Variants in COL4A2 observed in about 807,000 individuals in gnomAD.
The protein encoded by COL4A2 is collagen type IV alpha 2 chain.
Under a neutral mutation model 200.2 loss-of-function variants are expected in COL4A2, and 99 were observed. The ratio of observed to expected loss-of-function variants is 0.49; its 90% CI spans 0.42 to 0.58. COL4A2 has a LOEUF of 0.58. Ranked by LOEUF, COL4A2 falls within the 20% of genes least tolerant of loss-of-function variation. The pLI is 0.00. For synonymous variants in COL4A2, 897 were observed against 900.6 expected, an observed-to-expected ratio of 1.00 and a Z score of 0.07; for missense variants, 1,950 against 2,314.1, an observed-to-expected ratio of 0.84 and a Z score of 3.23.
At chr13:110,487,254 C>G (rs991971214) in intron 34 of COL4A2, among the ~76,000 whole-genome samples, 2 of 152,250 alleles carry the variant, frequency 1.3e-5, no homozygotes, top group African/African-American at 4.8e-5. Context: ...GAGATCGAGA[C>G]TAGCCTGGCC....
chr13:110,510,542 T>C (rs573433187), intron 47 of COL4A2, among the ~76,000 whole-genome samples: 3 of 152,274 alleles, frequency 2.0e-5, no homozygotes, highest in African/African-American at 7.2e-5. Context: ...AGAAGCACAT[T>C]GGAAAGGGTG....
intron 22 of COL4A2, among the ~76,000 whole-genome samples, chr13:110,461,042 A>C (rs1340132177): frequency 1.3e-5 from 2 of 152,346 alleles, no homozygotes; most frequent in Non-Finnish European, 2.9e-5. Flanking sequence ...AAAAGCTAGC[A>C]CAGCTCACGT....
rs1270682164 is a variant in COL4A2, at chr13:110,434,456, G to A, written c.726+14G>A. ...AAGGGTGAAAAGGTAAAGGAAGCCTGGTCAATTCCAGCAGAGGCATGCAGC... is the reference window on the plus strand; with the variant it reads ...AAGGGTGAAAAGGTAAAGGAAGCCTAGTCAATTCCAGCAGAGGCATGCAGC... On this transcript the variant is annotated intron_variant, in intron 12 of 47. Coordinates refer to ENST00000360467, the MANE Select transcript of COL4A2 (RefSeq NM_001846.4). The A allele has an allele frequency of 1.9e-6, 3 of 1,612,920 alleles. No individual in the cohort carries two copies. Among genetic ancestry groups the A allele is most frequent in the Non-Finnish European group, 2.5e-6 (3 of 1,179,184 alleles).
chr13:110,493,073 ACCC>A, intron 38 of COL4A2, 135 bp from the exon 39 acceptor site: 45 of 853,292 alleles, frequency 5.3e-5, no homozygotes, highest in South Asian at 1.3e-4. Flanking sequence ...GATGAGTGAC[ACCC>A]CCATGGGTGA....
chr13:110,360,795 C>A (rs936469521), intron 4 of COL4A2, among the ~76,000 whole-genome samples: 5 of 148,018 alleles, frequency 3.4e-5, no homozygotes, highest in Non-Finnish European at 3.0e-5. Context: ...ACCCGCCCCC[C>A]ACCCCGGGGC....
rs932645606 is a variant in COL4A2, at chr13:110,424,957, C to A, written c.320C>A (p.Ala107Glu). 1 of 1,614,160 alleles carries A rather than the reference C, an allele frequency of 6.2e-7. No individual in the cohort carries two copies. The highest frequency in any genetic ancestry group is 1.3e-5 in the African/African-American group (1 of 75,018). The part of the protein sequence containing the change: ...GVTGPKGDVG[A>E]RGVSGFPGAD... ...TTGCATTTGCTTTCTTCATAGGGAG[C>A]AAGAGGCGTTTCTGGATTCCCTGGT... Residue 107 changes from alanine (A) to glutamate (E), a missense_variant, in exon 6 of 48, where the codon GCA (alanine) becomes GAA (glutamate). Coordinates refer to ENST00000360467, the MANE Select transcript of COL4A2 (RefSeq NM_001846.4).
intron 24 of COL4A2, among the ~76,000 whole-genome samples, chr13:110,463,460 C>A (rs1014482395): frequency 6.6e-6 from 1 of 152,208 alleles, no homozygotes; most frequent in African/African-American, 2.4e-5. Context: ...CGATTGAAGT[C>A]ATAATCCTCT....
intron 4 of COL4A2, among the ~76,000 whole-genome samples, chr13:110,402,061 CT>C (rs767357295): frequency 3.6e-4 from 55 of 152,336 alleles, no homozygotes; most frequent in Middle Eastern, 3.4e-3. Flanking sequence ...CATTTCACCC[CT>C]AACCTCCCAA....
In COL4A2 at chr13:110,508,094, C is replaced by G. The variant is rs557976330; in HGVS notation, c.4754C>G (p.Pro1585Arg). The change falls in exon 47 of 48, where the codon CCC becomes CGC. Residue 1585 changes from proline to arginine, a missense_variant. Around this residue, in one of 2 missense-constraint regions of COL4A2, gnomAD observed 1,385 missense variants for 1,720.5 expected, o/e 0.80. Transcript: ENST00000360467. This position sits in a 1 kb window ranked among gnomAD's most constrained non-coding sequence, Gnocchi z 6.1. ...CCCGTGGCCGAGGACGAGATCAAGC[C>G]CTACATCAGCCGCTGTTCTGTGTGT... ...MMPVAEDEIK[P>R]YISRCSVCEA... 17 of 1,614,252 alleles carry G rather than the reference C, an allele frequency of 1.1e-5. No homozygotes were observed. The African/African-American group carries it at 1.3e-4, about 13-fold the overall frequency.
At chr13:110,383,425 A>C (rs933287257) in intron 4 of COL4A2, among the ~76,000 whole-genome samples, 1 of 152,174 alleles carries the variant, frequency 6.6e-6, no homozygotes, top group African/African-American at 2.4e-5. Context: ...TTATCTGATA[A>C]ATGCTAATAC....
intron 6 of COL4A2, among the ~76,000 whole-genome samples, chr13:110,427,151 T>G (rs534437880): frequency 1.4e-4 from 21 of 152,208 alleles, no homozygotes; most frequent in Non-Finnish European, 2.9e-4. Context: ...GAGGTTTGTT[T>G]GTTTTGTGTT....
chr13:110,393,182 A>G (rs1395212938), intron 4 of COL4A2, among the ~76,000 whole-genome samples: 1 of 152,184 alleles, frequency 6.6e-6, no homozygotes, highest in Non-Finnish European at 1.5e-5. Context: ...AGTTCATCTC[A>G]TGTGCTTTTC....
In COL4A2 at chr13:110,392,170, G is replaced by A. The variant is rs1160545960; in HGVS notation, c.181-32564G>A. 2.6e-5 allele frequency among the ~76,000 whole-genome samples: 4 copies of A among 152,142 alleles called. No individual in the cohort carries two copies. The South Asian group carries it at 8.3e-4, about 32-fold the overall frequency. On this transcript the variant is annotated intron_variant, in intron 4 of 47. Coordinates refer to ENST00000360467, the MANE Select transcript of COL4A2 (RefSeq NM_001846.4). ...TGAAAGTCACGGTTGAATATGGTGAGAACTTAAGAGTAAAATAAAGAATCA... is the reference window on the plus strand; with the variant it reads ...TGAAAGTCACGGTTGAATATGGTGAAAACTTAAGAGTAAAATAAAGAATCA...
At chr13:110,372,895 T>C (rs1476845047) in intron 4 of COL4A2, among the ~76,000 whole-genome samples, 2 of 152,260 alleles carry the variant, frequency 1.3e-5, no homozygotes, top group African/African-American at 2.4e-5. Flanking sequence ...CTGCATGTCA[T>C]GGAAGGTCAT....
intron 27 of COL4A2, chr13:110,468,139 A>G (rs1456398124): frequency 2.1e-6 from 1 of 471,134 alleles, no homozygotes. Context: ...AAGTGGACGG[A>G]CACATTCTAT....
chr13:110,347,923 C>G (rs1876786247), intron 3 of COL4A2, among the ~76,000 whole-genome samples: 1 of 152,250 alleles, frequency 6.6e-6, no homozygotes, highest in Admixed American at 6.5e-5. Flanking sequence ...GTCATGCCTC[C>G]TGGTTATGTC....
chr13:110,470,663 T>C (rs1413100068), intron 28 of COL4A2, among the ~76,000 whole-genome samples: 1 of 152,194 alleles, frequency 6.6e-6, no homozygotes. Context: ...GCGCTCCCCA[T>C]GTCTGGAATA....
chr13:110,512,562 A>G lies in COL4A2; in HGVS notation c.*371A>G, dbSNP rs576821082. The G allele has an allele frequency of 4.9e-5, 11 of 224,076 alleles. No individual in the cohort carries two copies. Among genetic ancestry groups the G allele is most frequent in the South Asian group, 2.2e-4 (3 of 13,560 alleles). 13.9% of individuals were successfully genotyped at this position (224,076 alleles called of 1,614,324 possible). ...CTCGGGGTGGGACAGACGAGACAAC[A>G]GCACACAGGCAGCCAGCCGTGGCCA... On this transcript the variant is annotated 3_prime_UTR_variant, in exon 48 of 48. Transcript: ENST00000360467.
Position 110,511,841 on chromosome 13 carries a change from TA to T in COL4A2, c.4882-88del, listed in dbSNP as rs1884091700. ...TTGACACTCATGGTTTGCTGTTCAG[TA>T]AAAACAAATGCACAGAAGAGGGCTA... is the stretch of plus-strand genomic sequence containing the variant. On this transcript the variant is annotated intron_variant, in intron 47 of 47. Coordinates refer to ENST00000360467, the MANE Select transcript of COL4A2 (RefSeq NM_001846.4). 1.7e-5 allele frequency: 27 copies of T among 1,581,068 alleles called. No individual in the cohort carries two copies. In the Admixed American group the frequency reaches 2.0e-4, roughly 12 times the overall value.
Sources: gnomAD v4.1 joint callset for allele counts (sites outside exome capture counted in the v4.1 genomes callset) on GRCh38, gnomAD v4.1.1 for gene constraint, gnomAD v4.1.1 regional missense constraint, Gnocchi (gnomAD v3.1) non-coding constraint, MANE v1.5 for transcripts, NCBI Gene and HGNC (gene_info 2026-07-23, HGNC 2026-07-21) for gene names.